Variants in ZHX2 observed in about 807,000 individuals in gnomAD.
ZHX2 encodes the protein zinc fingers and homeoboxes 2.
Under a neutral mutation model 21.9 loss-of-function variants are expected in ZHX2, and 6 were observed. The observed-to-expected ratio is 0.27, with a 90% CI of 0.15 to 0.54. The LOEUF is 0.54. Among genes scored for constraint, ZHX2 ranks in the 20% least tolerant of loss-of-function variants. The pLI is 0.95. For synonymous variants in ZHX2, 434 were observed against 437.1 expected, an observed-to-expected ratio of 0.99 and a Z score of 0.09; for missense variants, 908 against 1,090.7, an observed-to-expected ratio of 0.83 and a Z score of 2.36.
rs529033360 is a variant in ZHX2 at position 122,933,909 on chromosome 8, G to A, written c.-219-17383G>A. ...TCTAGGTCTGGGCACAATGGCCCAC[G>A]TCTGTAATCCCAGCACTTTGGGAAG... On this transcript the variant is annotated intron_variant, in intron 2 of 3. Coordinates refer to ENST00000314393, the MANE Select transcript of ZHX2 (RefSeq NM_014943.5). 1.1e-4 allele frequency among the ~76,000 whole-genome samples: 16 copies of A among 152,244 alleles called. 1 individual carries two copies. The highest frequency in any genetic ancestry group is 1.9e-4 in the East Asian group (1 of 5,180).
At chr8:122,809,118 CT>C (rs1198701311) in intron 1 of ZHX2, 1 of 152,246 alleles carries the variant, frequency 6.6e-6, no homozygotes, top group Admixed American at 6.5e-5. Context: ...GACTCAGCCC[CT>C]GAAGTGATGT....
In ZHX2 at chr8:122,957,628, C is replaced by T. The variant is rs181345384; in HGVS notation, c.*4+3600C>T. Among the ~76,000 whole-genome samples, 10 of 152,278 alleles carry T rather than the reference C, an allele frequency of 6.6e-5. No individual in the cohort carries two copies. The East Asian group carries it at 1.4e-3, about 21-fold the overall frequency. Reference sequence around the variant, plus strand: ...AACTACAGGCACGTGCCACCATACCCAGCTAATTTTTCTATTTTTTTTAGT... The same window carrying T: ...AACTACAGGCACGTGCCACCATACCTAGCTAATTTTTCTATTTTTTTTAGT... On this transcript the variant is annotated intron_variant, in intron 3 of 3. Transcript: ENST00000314393.
intron 3 of ZHX2, among the ~76,000 whole-genome samples, chr8:122,966,235 T>C (rs531232575): frequency 6.6e-6 from 1 of 152,340 alleles, no homozygotes; most frequent in South Asian, 2.1e-4. Flanking sequence ...ACTGTGTTAC[T>C]GTTTCATAGG....
At chr8:122,833,945 T>C (rs1331827674) in intron 1 of ZHX2, among the ~76,000 whole-genome samples, 2 of 149,820 alleles carry the variant, frequency 1.3e-5, no homozygotes, top group African/African-American at 2.5e-5. Context: ...TGCAGTGAGC[T>C]GAGATCGCGC....
chr8:122,933,650 T>C (rs916015430), intron 2 of ZHX2, among the ~76,000 whole-genome samples: 3 of 152,156 alleles, frequency 2.0e-5, no homozygotes, highest in Non-Finnish European at 4.4e-5. Flanking sequence ...CTTAATCTTA[T>C]TGCTTTAAAA....
intron 2 of ZHX2, among the ~76,000 whole-genome samples, chr8:122,887,468 A>G (rs1440510984): frequency 6.6e-6 from 1 of 152,138 alleles, no homozygotes; most frequent in African/African-American, 2.4e-5. Context: ...CAGTGAGCCG[A>G]GATTGCGCCA....
chr8:122,864,130 G>A (rs1370068781), intron 2 of ZHX2, among the ~76,000 whole-genome samples: 3 of 150,578 alleles, frequency 2.0e-5, no homozygotes, highest in Non-Finnish European at 4.4e-5. Flanking sequence ...TTGGAGAAAT[G>A]TCTGTGGGAC....
chr8:122,932,768 C>T (rs1307576947), intron 2 of ZHX2, among the ~76,000 whole-genome samples: 2 of 152,184 alleles, frequency 1.3e-5, no homozygotes, highest in African/African-American at 4.8e-5. Flanking sequence ...CATCCAAATC[C>T]CTTTGCCGTA....
intron 2 of ZHX2, among the ~76,000 whole-genome samples, chr8:122,917,197 C>A (rs1256149796): frequency 1.3e-5 from 2 of 152,108 alleles, no homozygotes; most frequent in Non-Finnish European, 2.9e-5. Flanking sequence ...GGCCTCCAAG[C>A]GGATCACAGT....
chr8:122,812,144 G>C (rs547630676), intron 1 of ZHX2: 1 of 152,312 alleles, frequency 6.6e-6, no homozygotes. Flanking sequence ...AGCATTCCAG[G>C]CAGAGCGACA....
chr8:122,970,415 G>T (rs1288866146), intron 3 of ZHX2, among the ~76,000 whole-genome samples: 1 of 152,234 alleles, frequency 6.6e-6, no homozygotes, highest in African/African-American at 2.4e-5. Context: ...GGGTCAGCCT[G>T]CTTGCTTTGC....
intron 1 of ZHX2, among the ~76,000 whole-genome samples, chr8:122,821,597 C>A (rs1818149858): frequency 6.6e-6 from 1 of 151,790 alleles, no homozygotes; most frequent in South Asian, 2.1e-4. Context: ...AAAGAAGATC[C>A]CTGGACCCCA....
chr8:122,916,314 C>T (rs190304445), intron 2 of ZHX2, among the ~76,000 whole-genome samples: 478 of 152,280 alleles, frequency 3.1e-3, no homozygotes, highest in South Asian at 0.015. Context: ...CAGCCGCATC[C>T]TTTTGAGCCA....
chr8:122,817,460 C>T (rs908272939), intron 1 of ZHX2, among the ~76,000 whole-genome samples: 1 of 152,168 alleles, frequency 6.6e-6, no homozygotes, highest in Middle Eastern at 3.2e-3. Context: ...AGATGTTATG[C>T]TCTCTGTATT....
intron 1 of ZHX2, among the ~76,000 whole-genome samples, chr8:122,807,322 C>A (rs1485928975): frequency 1.3e-5 from 2 of 152,160 alleles, no homozygotes; most frequent in East Asian, 3.9e-4. Context: ...GGAAATGGTT[C>A]ATTCCTAACA....
At chr8:122,914,561 C>T (rs1820554439) in intron 2 of ZHX2, among the ~76,000 whole-genome samples, 1 of 152,178 alleles carries the variant, frequency 6.6e-6, no homozygotes, top group Non-Finnish European at 1.5e-5. Context: ...CAAGACCTGC[C>T]CCTTCAGGCC....
In ZHX2 at chr8:122,791,413, C is replaced by T. The variant is rs556218580; in HGVS notation, c.-283+9467C>T. ...GCTGATTGGGAGCCCTGCCTGGGCA[C>T]GGGCAGGTCACTTAGAGACACAGGA... On this transcript the variant is annotated intron_variant, in intron 1 of 3. Coordinates refer to ENST00000314393, the MANE Select transcript of ZHX2 (RefSeq NM_014943.5). Among the ~76,000 whole-genome samples the T allele has an allele frequency of 4.6e-5, 7 of 152,278 alleles. No individual in the cohort carries two copies. In the South Asian group the frequency reaches 1.0e-3, roughly 23 times the overall value.
chr8:122,850,926 C>T (rs565492838), intron 1 of ZHX2, among the ~76,000 whole-genome samples: 15 of 152,328 alleles, frequency 9.8e-5, no homozygotes, highest in African/African-American at 2.6e-4. Context: ...TGTCACTGTG[C>T]TGCAGCCCCT....
At chr8:122,820,020 G>A (rs1049336927) in intron 1 of ZHX2, among the ~76,000 whole-genome samples, 4 of 152,100 alleles carry the variant, frequency 2.6e-5, no homozygotes, top group Admixed American at 1.3e-4. Context: ...AGGGGTTGGC[G>A]AGACTGCCAT....
Sources: allele counts gnomAD v4.1 joint callset (sites outside exome capture counted in the v4.1 genomes callset), GRCh38; gene constraint gnomAD v4.1.1; transcripts MANE v1.5; gene names NCBI Gene and HGNC (gene_info 2026-07-23, HGNC 2026-07-21).